LSM3: variants seen among roughly 807,000 people sequenced by gnomAD.
LSM3 encodes the protein U6 snRNA-associated Sm-like protein LSm3.
A neutral mutation model predicts 15.4 loss-of-function variants in LSM3; 14 were observed. That is an observed-to-expected ratio of 0.91 (90% CI 0.60 to 1.42). The LOEUF is 1.42. Among genes scored for constraint, LSM3 ranks in the 40% most tolerant of loss-of-function variants. The probability of loss-of-function intolerance (pLI) is 0.00; values close to 1 mark genes in which losing one functional copy is unlikely to be tolerated. For synonymous variants in LSM3, 46 were observed against 45.1 expected, an observed-to-expected ratio of 1.02 and a Z score of -0.08; for missense variants, 88 against 127.9, an observed-to-expected ratio of 0.69 and a Z score of 1.50.
intron 3 of LSM3, among the ~76,000 whole-genome samples, chr3:14,185,912 G>A (rs1249359853): frequency 1.3e-5 from 2 of 151,912 alleles, no homozygotes; most frequent in Admixed American, 6.6e-5. Context: ...GATCTTGTCA[G>A]AAAGGTCTTT....
chr3:14,184,480 C>T (rs1021819092), intron 3 of LSM3, among the ~76,000 whole-genome samples: 8 of 151,990 alleles, frequency 5.3e-5, no homozygotes, highest in East Asian at 1.9e-4. Flanking sequence ...CTGGGCCGGG[C>T]GCGGTGGCTC....
rs935062083 is a variant in LSM3, at chr3:14,189,730, T to C, written c.228+5698T>C. Reference sequence around the variant, plus strand: ...TGTCAGATGGATGGATTGTAAAAATTTTCTCCCATTCTGTAGGTTGCCTGT... The same window carrying C: ...TGTCAGATGGATGGATTGTAAAAATCTTCTCCCATTCTGTAGGTTGCCTGT... On this transcript the variant is annotated intron_variant, in intron 3 of 3. Transcript: ENST00000306024. 7.9e-5 allele frequency among the ~76,000 whole-genome samples: 12 copies of C among 152,322 alleles called. No individual in the cohort carries two copies. In the East Asian group the frequency reaches 1.9e-3, roughly 24 times the overall value.
intron 3 of LSM3, among the ~76,000 whole-genome samples, chr3:14,192,478 A>G (rs952373691): frequency 1.3e-5 from 2 of 152,168 alleles, no homozygotes; most frequent in Non-Finnish European, 2.9e-5. Flanking sequence ...TATTGGGTGC[A>G]TATATATTTA....
In LSM3 at chr3:14,198,431, T is replaced by G. The variant is rs558447447; in HGVS notation, c.*315T>G. 1 of 321,652 alleles carries G rather than the reference T, an allele frequency of 3.1e-6. No individual in the cohort carries two copies. Among genetic ancestry groups the G allele is most frequent in the Non-Finnish European group, 5.7e-6 (1 of 175,474 alleles). 19.9% of individuals were successfully genotyped at this position (321,652 alleles called of 1,614,324 possible). A position where few individuals can be genotyped will look rare whatever the true frequency, so the allele number is the denominator to read the frequency against. On this transcript the variant is annotated 3_prime_UTR_variant, in exon 4 of 4. Coordinates refer to ENST00000306024, the MANE Select transcript of LSM3 (RefSeq NM_014463.3). ...CTTTAAATTGGTGTTTCCTTGTAGA[T>G]TTTTTTAAGTGCGGTCTTCTGTCTT...
In LSM3 at chr3:14,193,961, CTT is replaced by C. The variant is rs141787047; in HGVS notation, c.229-4073_229-4072del. Reference sequence around the variant, plus strand: ...GATGTTGGTGACTTTCAGATGGAGTCTTTGAGTAGATGTGCTAATCCTTTTTA... The same window carrying C: ...GATGTTGGTGACTTTCAGATGGAGTCTGAGTAGATGTGCTAATCCTTTTTA... On this transcript the variant is annotated intron_variant, in intron 3 of 3. Coordinates refer to ENST00000306024, the MANE Select transcript of LSM3 (RefSeq NM_014463.3). Among the ~76,000 whole-genome samples, 956 of 152,198 alleles carry C rather than the reference CTT, an allele frequency of 6.3e-3. 6 individuals are homozygous for C. The highest frequency in any genetic ancestry group is 0.022 in the African/African-American group (899 of 41,528).
rs1170227930 is a variant in LSM3 at position 14,190,578 on chromosome 3, T to C, written c.228+6546T>C. Reference sequence around the variant, plus strand: ...GCAATTGTGAATGGGAGTTCACTCATAATTTGGCTATTTGTCTGTTATTTA... The same window carrying C: ...GCAATTGTGAATGGGAGTTCACTCACAATTTGGCTATTTGTCTGTTATTTA... On this transcript the variant is annotated intron_variant, in intron 3 of 3. Transcript: ENST00000306024. 2.6e-5 allele frequency among the ~76,000 whole-genome samples: 4 copies of C among 152,232 alleles called. No individual in the cohort carries two copies. The East Asian group carries it at 5.8e-4, about 22-fold the overall frequency.
intron 3 of LSM3, among the ~76,000 whole-genome samples, chr3:14,186,622 T>C (rs948917446): frequency 3.9e-5 from 6 of 152,240 alleles, no homozygotes; most frequent in African/African-American, 1.4e-4. Flanking sequence ...TACTTATTTA[T>C]TTATGTATTT....
At chr3:14,185,999 C>T (rs1697085069) in intron 3 of LSM3, among the ~76,000 whole-genome samples, 1 of 152,134 alleles carries the variant, frequency 6.6e-6, no homozygotes, top group South Asian at 2.1e-4. Context: ...GCAGCCTCCG[C>T]CTCCCAGGTT....
chr3:14,188,640 G>A (rs970797524), intron 3 of LSM3, among the ~76,000 whole-genome samples: 1 of 151,746 alleles, frequency 6.6e-6, no homozygotes, highest in Non-Finnish European at 1.5e-5. Flanking sequence ...TTTTATCACA[G>A]TGCTCTTTCC....
chr3:14,185,163 C>A (rs570942989), intron 3 of LSM3, among the ~76,000 whole-genome samples: 1 of 151,994 alleles, frequency 6.6e-6, no homozygotes, highest in South Asian at 2.1e-4. Flanking sequence ...CCACCCTGGC[C>A]AACATGGCAA....
chr3:14,180,758 A>G (rs1193472731), intron 1 of LSM3, among the ~76,000 whole-genome samples: 1 of 148,928 alleles, frequency 6.7e-6, no homozygotes, highest in East Asian at 2.0e-4. Flanking sequence ...CAGTTCATAA[A>G]TGTCAGGTCA....
chr3:14,185,972 G>A (rs1408374118), intron 3 of LSM3, among the ~76,000 whole-genome samples: 5 of 151,572 alleles, frequency 3.3e-5, no homozygotes, highest in Non-Finnish European at 7.4e-5. Flanking sequence ...GGAGTGCAAT[G>A]TCAGTCTCAG....
chr3:14,184,613 C>G (rs1391186542), intron 3 of LSM3, among the ~76,000 whole-genome samples: 1 of 151,306 alleles, frequency 6.6e-6, no homozygotes, highest in Non-Finnish European at 1.5e-5. Context: ...AAAAATTAGC[C>G]GGGCGTAGTG....
At chr3:14,195,293 T>G (rs751801565) in intron 3 of LSM3, among the ~76,000 whole-genome samples, 2 of 152,156 alleles carry the variant, frequency 1.3e-5, no homozygotes, top group African/African-American at 4.8e-5. Flanking sequence ...CTCAGTGATA[T>G]GACCCTAGCC....
chr3:14,182,609 A>T (rs773910413), intron 2 of LSM3, among the ~76,000 whole-genome samples: 3 of 152,168 alleles, frequency 2.0e-5, no homozygotes, highest in Non-Finnish European at 2.9e-5. Flanking sequence ...ATGACTTGTT[A>T]CTTTCCTAAG....
intron 3 of LSM3, among the ~76,000 whole-genome samples, chr3:14,189,754 G>A (rs1203175114): frequency 1.1e-4 from 16 of 152,132 alleles, no homozygotes. Flanking sequence ...TAGGTTGCCT[G>A]TTCACTCATG....
rs1053651994 is a variant in LSM3 at position 14,199,239 on chromosome 3, A to G, written c.*1123A>G. 2.6e-5 allele frequency: 4 copies of G among 152,268 alleles called. No individual in the cohort carries two copies. The highest frequency in any genetic ancestry group is 9.6e-5 in the African/African-American group (4 of 41,472). 9.4% of individuals were successfully genotyped at this position (152,268 alleles called of 1,614,324 possible). A position where few individuals can be genotyped will look rare whatever the true frequency, so the allele number is the denominator to read the frequency against. The stretch of plus-strand genomic sequence containing the variant: ...CACAGTAAAGCAGAAATTGGCTGAA[A>G]GCAAAGCTGTTTTTATTTCTAGCTT... On this transcript the variant is annotated 3_prime_UTR_variant, in exon 4 of 4. Transcript: ENST00000306024.
intron 3 of LSM3, among the ~76,000 whole-genome samples, chr3:14,196,115 G>C (rs1467783501): frequency 6.6e-6 from 1 of 151,970 alleles, no homozygotes; most frequent in African/African-American, 2.4e-5. Context: ...ACCACACCTG[G>C]CTAATTTTTT....
intron 3 of LSM3, among the ~76,000 whole-genome samples, chr3:14,190,360 A>G (rs939977472): frequency 6.6e-6 from 1 of 152,168 alleles, no homozygotes; most frequent in Non-Finnish European, 1.5e-5. Flanking sequence ...TGGGGATAGC[A>G]TTAAATCTAT....
Sources: allele counts gnomAD v4.1 joint callset (sites outside exome capture counted in the v4.1 genomes callset), GRCh38; gene constraint gnomAD v4.1.1; transcripts MANE v1.5; gene names NCBI Gene and HGNC (gene_info 2026-07-23, HGNC 2026-07-21).